Variants in THSD4 observed in about 807,000 individuals in gnomAD.
THSD4 encodes the protein thrombospondin type-1 domain-containing protein 4.
THSD4 carries 69 observed loss-of-function variants against 119.0 expected under a neutral mutation model. The ratio of observed to expected loss-of-function variants is 0.58; its 90% CI spans 0.48 to 0.71. The LOEUF is 0.71. Among genes scored for constraint, THSD4 ranks in the 30% least tolerant of loss-of-function variants. THSD4 has a pLI of 0.00. For synonymous variants in THSD4, 524 were observed against 540.4 expected, an observed-to-expected ratio of 0.97 and a Z score of 0.42; for missense variants, 1,393 against 1,391.1, an observed-to-expected ratio of 1.00 and a Z score of -0.02.
chr15:71,712,772 TAC>T (rs2052541034), intron 8 of THSD4, among the ~76,000 whole-genome samples: 1 of 152,156 alleles, frequency 6.6e-6, no homozygotes, highest in Non-Finnish European at 1.5e-5. Context: ...AAACCACTGA[TAC>T]ACACAACATG....
At chr15:71,721,631 C>G (rs1197527999) in intron 8 of THSD4, among the ~76,000 whole-genome samples, 1 of 152,002 alleles carries the variant, frequency 6.6e-6, no homozygotes, top group Non-Finnish European at 1.5e-5. Flanking sequence ...GATTGTGCCA[C>G]TGCACTCCAA....
chr15:71,304,977 C>G (rs531327879), intron 6 of THSD4, among the ~76,000 whole-genome samples: 9 of 152,180 alleles, frequency 5.9e-5, no homozygotes, highest in Admixed American at 3.3e-4. Context: ...AATAAACACA[C>G]GAGGCTTGTT....
chr15:71,438,335 T>G (rs1230630024), intron 7 of THSD4, among the ~76,000 whole-genome samples: 1 of 152,126 alleles, frequency 6.6e-6, no homozygotes, highest in Non-Finnish European at 1.5e-5. Context: ...ATTTTGTTTA[T>G]TTTTGCCATG....
intron 7 of THSD4, among the ~76,000 whole-genome samples, chr15:71,429,674 A>G (rs1430534371): frequency 6.6e-6 from 1 of 152,214 alleles, no homozygotes; most frequent in Non-Finnish European, 1.5e-5. Context: ...AAAGTGCCAC[A>G]TTTTGGGATA....
chr15:71,286,593 A>G (rs1223322522), intron 6 of THSD4, among the ~76,000 whole-genome samples: 1 of 152,264 alleles, frequency 6.6e-6, no homozygotes, highest in African/African-American at 2.4e-5. Context: ...TGCTATTGTG[A>G]ATAGTGCTGC....
intron 6 of THSD4, among the ~76,000 whole-genome samples, chr15:71,383,207 A>T (rs1463409133): frequency 6.6e-6 from 1 of 152,236 alleles, no homozygotes; most frequent in Non-Finnish European, 1.5e-5. Flanking sequence ...TTGGGGGACC[A>T]GCAGGGGTCC....
intron 6 of THSD4, among the ~76,000 whole-genome samples, chr15:71,344,446 C>T (rs2045627696): frequency 6.6e-6 from 1 of 152,216 alleles, no homozygotes; most frequent in Non-Finnish European, 1.5e-5. Context: ...GAAGGGAGGG[C>T]ACCATTCAGC....
intron 7 of THSD4, among the ~76,000 whole-genome samples, chr15:71,552,366 G>A (rs1215729042): frequency 6.6e-6 from 1 of 152,208 alleles, no homozygotes. Flanking sequence ...AATAATGAAT[G>A]TAGGACTGCT....
At chr15:71,144,655 A>G (rs1271366646) in intron 2 of THSD4, among the ~76,000 whole-genome samples, 2 of 152,222 alleles carry the variant, frequency 1.3e-5, no homozygotes, top group Non-Finnish European at 2.9e-5. Context: ...ACAGAGAAAC[A>G]GAAAACCAGC....
intron 8 of THSD4, among the ~76,000 whole-genome samples, chr15:71,679,741 G>T (rs529690145): frequency 7.1e-4 from 108 of 152,310 alleles, no homozygotes; most frequent in Non-Finnish European, 1.4e-3. Flanking sequence ...GAAGATGCTC[G>T]GCTGGAGAAG....
chr15:71,610,730 T>C (rs540297034), intron 7 of THSD4, among the ~76,000 whole-genome samples: 11 of 152,202 alleles, frequency 7.2e-5, no homozygotes, highest in Non-Finnish European at 1.5e-4. Context: ...TCCTTCCCCA[T>C]GCTGTATAAA....
At chr15:71,112,696 C>T (rs1337943208), upstream of THSD4, among the ~76,000 whole-genome samples, 2 of 152,206 alleles carry the variant, frequency 1.3e-5, no homozygotes, top group Admixed American at 1.3e-4. Context: ...ATATTCTTGG[C>T]TCTCTCTTTC....
chr15:71,625,464 G>A (rs1286013055), intron 7 of THSD4, among the ~76,000 whole-genome samples: 2 of 152,176 alleles, frequency 1.3e-5, no homozygotes, highest in Non-Finnish European at 2.9e-5. Flanking sequence ...GAGAAAGAAG[G>A]TGAGGAGAAG....
intron 7 of THSD4, among the ~76,000 whole-genome samples, chr15:71,564,454 T>G (rs773127127): frequency 6.6e-6 from 1 of 151,982 alleles, no homozygotes; most frequent in Non-Finnish European, 1.5e-5. Context: ...TTGAAGAAGA[T>G]TGGAGGTGGA....
At chr15:71,766,704 A>T (rs1272300553) in intron 16 of THSD4, 1 of 152,210 alleles carries the variant, frequency 6.6e-6, no homozygotes, top group Non-Finnish European at 1.5e-5. Flanking sequence ...TGGAGAGTCT[A>T]CAAAGAGCCA....
intron 6 of THSD4, among the ~76,000 whole-genome samples, chr15:71,314,210 T>TC (rs1004264961): frequency 6.6e-6 from 1 of 152,204 alleles, no homozygotes; most frequent in South Asian, 2.1e-4. Flanking sequence ...GATTTTTTTT[T>TC]CTCTTTTGTT....
chr15:71,366,555 T>G (rs947978772), intron 6 of THSD4, among the ~76,000 whole-genome samples: 1 of 152,174 alleles, frequency 6.6e-6, no homozygotes, highest in Non-Finnish European at 1.5e-5. Context: ...ACAACACATG[T>G]TGCATTTTCC....
chr15:71,149,434 C>T (rs534157193), intron 2 of THSD4, among the ~76,000 whole-genome samples: 15 of 151,866 alleles, frequency 9.9e-5, no homozygotes, highest in Non-Finnish European at 2.2e-4. Context: ...TTAGTAGAGA[C>T]GGGGTTTCAC....
intron 6 of THSD4, among the ~76,000 whole-genome samples, chr15:71,363,960 C>G (rs1053965756): frequency 1.3e-5 from 2 of 152,174 alleles, no homozygotes; most frequent in Admixed American, 6.5e-5. Context: ...TTTCTTTACT[C>G]TTTTCCAAGT....
Sources: allele counts gnomAD v4.1 joint callset (sites outside exome capture counted in the v4.1 genomes callset), GRCh38; gene constraint gnomAD v4.1.1; transcripts MANE v1.5; gene names NCBI Gene and HGNC (gene_info 2026-07-23, HGNC 2026-07-21).